CRAMP1: variants seen among roughly 807,000 people sequenced by gnomAD.
CRAMP1 encodes cramped chromatin regulator 1, also known as protein cramped-like.
A neutral mutation model predicts 115.4 loss-of-function variants in CRAMP1; 50 were observed. The ratio of observed to expected loss-of-function variants is 0.43; its 90% CI spans 0.35 to 0.55. The LOEUF (loss-of-function observed/expected upper bound fraction) is 0.55. Ranked by LOEUF, CRAMP1 falls within the 20% of genes least tolerant of loss-of-function variation. The pLI, the probability that CRAMP1 is intolerant of heterozygous loss-of-function variation, is 0.01. For synonymous variants in CRAMP1, 866 were observed against 745.4 expected, an observed-to-expected ratio of 1.16 and a Z score of -2.64; for missense variants, 1,679 against 1,721.7, an observed-to-expected ratio of 0.98 and a Z score of 0.44.
chr16:1,631,388 C>T (rs965862941), intron 3 of CRAMP1, among the ~76,000 whole-genome samples: 9 of 152,336 alleles, frequency 5.9e-5, no homozygotes, highest in Middle Eastern at 3.4e-3. Context: ...AGTGTATTCT[C>T]GTGTGCTGGT....
intron 2 of CRAMP1, among the ~76,000 whole-genome samples, chr16:1,617,265 C>G (rs921922635): frequency 6.6e-6 from 1 of 152,228 alleles, no homozygotes; most frequent in Non-Finnish European, 1.5e-5. Flanking sequence ...GGAAGGCTGC[C>G]TGTCCGCTGC....
chr16:1,649,918 C>T (rs972065077), intron 6 of CRAMP1, among the ~76,000 whole-genome samples: 8 of 151,668 alleles, frequency 5.3e-5, no homozygotes, highest in South Asian at 2.1e-4. Context: ...CTCAGTCTCC[C>T]GAGTAGCTGG....
At chr16:1,639,872 A>C (rs944071158) in intron 5 of CRAMP1, among the ~76,000 whole-genome samples, 1 of 152,174 alleles carries the variant, frequency 6.6e-6, no homozygotes, top group Non-Finnish European at 1.5e-5. Flanking sequence ...AATTGGCCTT[A>C]GGTTCCCTAC....
At chr16:1,651,130 G>A (rs2036718735) in intron 6 of CRAMP1, among the ~76,000 whole-genome samples, 1 of 152,024 alleles carries the variant, frequency 6.6e-6, no homozygotes, top group Non-Finnish European at 1.5e-5. Flanking sequence ...TCATGGAAAG[G>A]TAGATTGAGG....
intron 2 of CRAMP1, chr16:1,620,723 C>A (rs886320172): frequency 2.2e-6 from 1 of 455,452 alleles, no homozygotes; most frequent in Non-Finnish European, 4.4e-6. Context: ...CTTTCCCAGG[C>A]TGAGGGAGGG....
intron 8 of CRAMP1, among the ~76,000 whole-genome samples, chr16:1,654,577 C>G (rs961593522): frequency 5.9e-5 from 9 of 152,194 alleles, no homozygotes; most frequent in African/African-American, 1.9e-4. Context: ...CTGTGGCCAC[C>G]GTCTCTGTCC....
intron 4 of CRAMP1, among the ~76,000 whole-genome samples, chr16:1,637,316 A>AG (rs1002053026): frequency 1.3e-4 from 20 of 151,756 alleles, no homozygotes; most frequent in Non-Finnish European, 2.7e-4. Context: ...AAAAAAAAAA[A>AG]CAGGGCCTCT....
chr16:1,647,561 T>A (rs1047166272), intron 6 of CRAMP1, among the ~76,000 whole-genome samples: 1 of 151,766 alleles, frequency 6.6e-6, no homozygotes, highest in African/African-American at 2.4e-5. Flanking sequence ...GCCAACATGG[T>A]GAAATCCCGT....
In CRAMP1 at chr16:1,671,527, C is replaced by T. The variant is rs540910525; in HGVS notation, c.3645+718C>T. ...TGAAGACAGGCCCGTTTCACTGTGA[C>T]GTAAAGTGCAGAGTGGCAGGTGTGT... is the stretch of plus-strand genomic sequence containing the variant. On this transcript the variant is annotated intron_variant, in intron 20 of 20. Transcript: ENST00000397412. The surrounding 1 kb of genome is among the most constrained non-coding windows in gnomAD (Gnocchi z 5.0). 1.2e-4 allele frequency among the ~76,000 whole-genome samples: 19 copies of T among 152,250 alleles called. No homozygotes were observed. Among genetic ancestry groups the T allele is most frequent in the South Asian group, 4.1e-4 (2 of 4,824 alleles).
At chr16:1,633,376 G>A (rs1567450476) in intron 4 of CRAMP1, among the ~76,000 whole-genome samples, 1 of 152,232 alleles carries the variant, frequency 6.6e-6, no homozygotes, top group Non-Finnish European at 1.5e-5. Context: ...ACCTCCACTG[G>A]GAGATTGTCA....
Position 1,626,152 on chromosome 16 carries a change from G to A in CRAMP1, c.526G>A (p.Glu176Lys), listed in dbSNP as rs2036506425. ...WSTEDKNTFFEGLYEHGKDFE... is the reference protein window; with the variant it reads ...WSTEDKNTFFKGLYEHGKDFE... The stretch of plus-strand genomic sequence containing the variant: ...CACAGAGGACAAGAACACCTTCTTC[G>A]AGGGGCTGTACGAGGTGAGTAGGCT... Residue 176 changes from glutamate to lysine, a missense_variant, in exon 3 of 21, where the codon GAG becomes AAG. Glu to Lys is a moderately conservative substitution (Grantham distance 56). Transcript: ENST00000397412. 1 of 1,522,182 alleles carries A rather than the reference G, an allele frequency of 6.6e-7. No individual in the cohort carries two copies. The highest frequency in any genetic ancestry group is 8.8e-7 in the Non-Finnish European group (1 of 1,130,258). The allele number at this position is 1,522,182 out of a possible 1,614,324, so 94.3% of individuals were successfully genotyped here.
chr16:1,634,157 G>C (rs1200161737), intron 4 of CRAMP1, among the ~76,000 whole-genome samples: 3 of 152,182 alleles, frequency 2.0e-5, no homozygotes, highest in Non-Finnish European at 1.5e-5. Context: ...TAGTAGATGA[G>C]GTATAGAGAG....
Position 1,666,175 on chromosome 16 carries a change from C to G in CRAMP1, c.2855C>G (p.Ala952Gly). The change falls in exon 15 of 21, where the codon GCC becomes GGC. Residue 952 changes from alanine to glycine, a missense_variant and splice_region_variant. Physicochemically the swap from Ala to Gly is moderately conservative, Grantham distance 60 (BLOSUM62 0). Transcript: ENST00000397412. This position sits in a 1 kb window ranked among gnomAD's most constrained non-coding sequence, Gnocchi z 5.0. Reference protein sequence around the residue: ...VLPPQATSHLASAIDLAATSA... With the variant: ...VLPPQATSHLGSAIDLAATSA... ...CCACCCCAGGCCACGAGTCACCTGG[C>G]CAGTAAGTCTGTACCTGCATGGCCA... 2 of 1,597,154 alleles carry G rather than the reference C, an allele frequency of 1.3e-6. No individual in the cohort carries two copies. The highest frequency in any genetic ancestry group is 2.2e-5 in the South Asian group (2 of 88,946).
At chr16:1,661,639 A>G (rs1596496358) in intron 11 of CRAMP1, among the ~76,000 whole-genome samples, 1 of 136,002 alleles carries the variant, frequency 7.4e-6, no homozygotes, top group South Asian at 2.3e-4. Flanking sequence ...TCTGTCGCCC[A>G]GGCTGGAGTG....
rs2036968524 is a variant in CRAMP1 at position 1,676,425 on chromosome 16, A to G, written c.*2380A>G. ...GGGAAAATGGTGTCATTTGTTGCAG[A>G]AAAACAATGGATACATTTTCTTCTG... On this transcript the variant is annotated 3_prime_UTR_variant, in exon 21 of 21. Transcript: ENST00000397412. The G allele has an allele frequency of 6.6e-6, 1 of 152,266 alleles. No individual in the cohort carries two copies. Among genetic ancestry groups the G allele is most frequent in the African/African-American group, 2.4e-5 (1 of 41,460 alleles). The allele number at this position is 152,266 out of a possible 1,614,324, so 9.4% of individuals were successfully genotyped here.
chr16:1,627,321 A>G (rs1055288009), intron 3 of CRAMP1, among the ~76,000 whole-genome samples: 11 of 152,008 alleles, frequency 7.2e-5, no homozygotes, highest in Non-Finnish European at 1.6e-4. Flanking sequence ...AATTTTTTGT[A>G]TTTTAGTTGA....
At position 1,674,116 on chromosome 16, in the gene CRAMP1, A is replaced by C; in HGVS notation, c.*71A>C. 1 of 1,483,400 alleles carries C rather than the reference A, an allele frequency of 6.7e-7. No individual in the cohort carries two copies. The allele number at this position is 1,483,400 out of a possible 1,614,324, so 91.9% of individuals were successfully genotyped here. A position where few individuals can be genotyped will look rare whatever the true frequency, so the allele number is the denominator to read the frequency against. Reference sequence around the variant, plus strand: ...AATAGATAAGCCCAGCAGCCCCAGAAGATGGTCTGAACAGAGGCATCTCCG... The same window carrying C: ...AATAGATAAGCCCAGCAGCCCCAGACGATGGTCTGAACAGAGGCATCTCCG... On this transcript the variant is annotated 3_prime_UTR_variant, in exon 21 of 21. Transcript: ENST00000397412.
intron 3 of CRAMP1, 22 bp downstream of exon 3, chr16:1,626,188 G>A (rs2036506765): frequency 6.9e-7 from 1 of 1,459,158 alleles, no homozygotes; most frequent in Non-Finnish European, 9.1e-7. Context: ...GTGGAGGCAC[G>A]GCCAGGCAGC....
chr16:1,656,385 G>A lies in CRAMP1; in HGVS notation c.1628G>A (p.Cys543Tyr). 2.5e-6 allele frequency: 4 copies of A among 1,596,412 alleles called. No homozygotes were observed. Among genetic ancestry groups the A allele is most frequent in the Non-Finnish European group, 3.4e-6 (4 of 1,171,658 alleles). The stretch of plus-strand genomic sequence containing the variant: ...ACCCGGGAGCCAGGGGCCTTGCCGT[G>A]TGCCTGTGGCCAGCTCCCAGACCTG... Reference protein sequence around the residue: ...SPTREPGALPCACGQLPDLED... With the variant: ...SPTREPGALPYACGQLPDLED... The change falls in exon 10 of 21, where the codon TGT becomes TAT. Residue 543 changes from cysteine (C) to tyrosine (Y), a missense_variant. Transcript: ENST00000397412. The surrounding 1 kb of genome is among the most constrained non-coding windows in gnomAD (Gnocchi z 5.6).
Sources: allele counts gnomAD v4.1 joint callset (sites outside exome capture counted in the v4.1 genomes callset), GRCh38; gene constraint gnomAD v4.1.1; non-coding constraint Gnocchi (gnomAD v3.1); transcripts MANE v1.5; gene names NCBI Gene and HGNC (gene_info 2026-07-23, HGNC 2026-07-21).